FGF13: variants seen among roughly 807,000 people sequenced by gnomAD.
FGF13 encodes fibroblast growth factor 13.
Under a neutral mutation model 19.5 loss-of-function variants are expected in FGF13, and 2 were observed. The ratio of observed to expected loss-of-function variants is 0.10; its 90% CI spans 0.04 to 0.32. FGF13 has a LOEUF of 0.32. Ranked by LOEUF, FGF13 falls within the 10% of genes least tolerant of loss-of-function variation. The probability of loss-of-function intolerance (pLI) is 1.00; values close to 1 mark genes in which losing one functional copy is unlikely to be tolerated. For synonymous variants in FGF13, 72 were observed against 76.9 expected (o/e 0.94, Z 0.33); for missense variants, 113 against 192.7 (o/e 0.59, Z 2.45).
intron 1 of FGF13, among the ~76,000 whole-genome samples, chrX:138,870,582 G>A (rs918554936): frequency 4.4e-5 from 5 of 112,679 alleles, no homozygotes; most frequent in African/African-American, 1.6e-4. Flanking sequence ...TAAGACTGCA[G>A]ATGAAATTAA....
At chrX:138,899,005 C>T (rs771292774) in intron 1 of FGF13, among the ~76,000 whole-genome samples, 4 of 111,722 alleles carry the variant, frequency 3.6e-5, no homozygotes, top group Non-Finnish European at 7.5e-5. Context: ...ACTGGTGGGA[C>T]TGGCCTCCCC....
chrX:138,809,046 C>A (rs1213972192), intron 3 of FGF13, among the ~76,000 whole-genome samples: 6 of 111,701 alleles, frequency 5.4e-5, no homozygotes, highest in East Asian at 5.6e-4. Context: ...TTCCTTCTGA[C>A]ACTATTCCAA....
At chrX:138,774,716 T>C (rs1159405411) in intron 3 of FGF13, among the ~76,000 whole-genome samples, 1 of 111,686 alleles carries the variant, frequency 9.0e-6, no homozygotes, top group African/African-American at 3.3e-5. Flanking sequence ...GCAAGGCCCA[T>C]GTATTATTTG....
chrX:138,898,091 G>A (rs767680953), intron 1 of FGF13, among the ~76,000 whole-genome samples: 1 of 110,765 alleles, frequency 9.0e-6, no homozygotes, highest in Non-Finnish European at 1.9e-5. Context: ...TCTTTCTCCC[G>A]CTACAAGAGG....
intron 1 of FGF13, among the ~76,000 whole-genome samples, chrX:138,913,640 GGAAGGAAGGAA>G (rs2091601118): frequency 3.8e-4 from 2 of 5,200 alleles, no homozygotes; most frequent in Non-Finnish European, 1.7e-3. Flanking sequence ...GAGGGATGGA[GGAAGGAAGGAA>G]GGAAGGAAGG....
rs192517116 is a variant in FGF13 at position 138,834,733 on chromosome X, T to C, written c.217+22779A>G. Among the ~76,000 whole-genome samples the C allele has an allele frequency of 1.3e-3, 150 of 111,332 alleles. 1 individual carries two copies. The highest frequency in any genetic ancestry group is 4.6e-3 in the Middle Eastern group (1 of 216). On this transcript the variant is annotated intron_variant, in intron 3 of 6. Coordinates refer to the FGF13 transcript ENST00000436198. Reference sequence around the variant, plus strand: ...TTGTTTGCTCTTGGTTCTCTAGTTCTTTTAGTTGTGATGTTAGGCTGTTAA... The same window carrying C: ...TTGTTTGCTCTTGGTTCTCTAGTTCCTTTAGTTGTGATGTTAGGCTGTTAA...
intron 1 of FGF13, among the ~76,000 whole-genome samples, chrX:139,010,398 T>C (rs2092123463): frequency 8.9e-6 from 1 of 111,809 alleles, no homozygotes; most frequent in South Asian, 3.7e-4. Context: ...GACCATATGA[T>C]AGGCCACAAA....
At chrX:138,945,420 G>T (rs1233811545) in intron 1 of FGF13, among the ~76,000 whole-genome samples, 3 of 110,891 alleles carry the variant, frequency 2.7e-5, no homozygotes, top group African/African-American at 9.8e-5. Context: ...AACAAAAAAA[G>T]GTAGTCAAAT....
intron 1 of FGF13, among the ~76,000 whole-genome samples, chrX:139,166,632 T>G (rs150071933): frequency 0.034 from 3,755 of 111,196 alleles, 49 homozygotes; most frequent in South Asian, 0.068. Flanking sequence ...GACATTTAAT[T>G]CTCAATGCAA....
intron 1 of FGF13, among the ~76,000 whole-genome samples, chrX:139,026,257 T>C (rs1412243335): frequency 9.0e-6 from 1 of 111,261 alleles, no homozygotes; most frequent in Non-Finnish European, 1.9e-5. Context: ...AACGTTAACA[T>C]ATTTCTCCTT....
At chrX:138,889,044 C>T (rs1268677713) in intron 1 of FGF13, among the ~76,000 whole-genome samples, 1 of 111,540 alleles carries the variant, frequency 9.0e-6, no homozygotes, top group Non-Finnish European at 1.9e-5. Context: ...GACACAGAGC[C>T]CCAGGAATAG....
chrX:139,174,200 C>A (rs772233288), intron 1 of FGF13, among the ~76,000 whole-genome samples: 10 of 112,565 alleles, frequency 8.9e-5, no homozygotes, highest in Non-Finnish European at 1.5e-4. Context: ...TAAATGTCTT[C>A]TCTTGAGAAG....
chrX:138,795,855 A>C lies in FGF13; in HGVS notation c.217+61657T>G, dbSNP rs769813489. Among the ~76,000 whole-genome samples, 4 of 111,488 alleles carry C rather than the reference A, an allele frequency of 3.6e-5. No homozygotes were observed. In the South Asian group the frequency reaches 1.1e-3, roughly 32 times the overall value. ...AAAGTTTATTAAAGGAATAAATTAA[A>C]GTTGAATCACTTTACTTCTCCAGTG... On this transcript the variant is annotated intron_variant, in intron 3 of 6. Transcript: ENST00000436198.
intron 3 of FGF13, among the ~76,000 whole-genome samples, chrX:138,653,077 T>C (rs891011760): frequency 3.6e-5 from 4 of 111,853 alleles, no homozygotes; most frequent in African/African-American, 1.3e-4. Context: ...CTAGTATTTA[T>C]CTCTGATGTT....
intron 3 of FGF13, among the ~76,000 whole-genome samples, chrX:138,673,397 A>G (rs1262497712): frequency 1.8e-5 from 2 of 110,555 alleles, no homozygotes; most frequent in African/African-American, 3.3e-5. Context: ...CTAGTCTTTT[A>G]ATATGGAAAT....
intron 1 of FGF13, among the ~76,000 whole-genome samples, chrX:139,088,540 GAAAAA>G (rs142651925): frequency 1.5e-5 from 1 of 65,599 alleles, no homozygotes; most frequent in African/African-American, 5.3e-5. Context: ...TTACTTGCAA[GAAAAA>G]AAAAAAAAAA....
intron 3 of FGF13, among the ~76,000 whole-genome samples, chrX:138,664,678 G>A (rs924381958): frequency 1.8e-5 from 2 of 111,068 alleles, no homozygotes; most frequent in African/African-American, 6.5e-5. Flanking sequence ...TGCCAAGAGG[G>A]TTTCCCACAT....
chrX:138,670,812 T>G (rs2089603663), intron 3 of FGF13, among the ~76,000 whole-genome samples: 1 of 112,126 alleles, frequency 8.9e-6, no homozygotes, highest in South Asian at 3.6e-4. Flanking sequence ...ACACTAATTA[T>G]ATATCATTTC....
chrX:138,944,038 C>T (rs2091771172), intron 1 of FGF13, among the ~76,000 whole-genome samples: 2 of 110,674 alleles, frequency 1.8e-5, no homozygotes, highest in African/African-American at 6.6e-5. Flanking sequence ...TATTAGTGCC[C>T]CTGTTCTACC....
Sources: gnomAD v4.1 joint callset for allele counts (sites outside exome capture counted in the v4.1 genomes callset) on GRCh38, gnomAD v4.1.1 for gene constraint, MANE v1.5 for transcripts, NCBI Gene and HGNC (gene_info 2026-07-23, HGNC 2026-07-21) for gene names.